AFG2A: variants seen among roughly 807,000 people sequenced by gnomAD.
The protein encoded by AFG2A is ATPase family gene 2 protein homolog A.
At chr4:123,258,916 G>A in the AFG2A span, among the ~76,000 whole-genome samples, 1 of 146,956 alleles carries the variant, frequency 6.8e-6, no homozygotes, top group South Asian at 2.1e-4. Flanking sequence ...TCCCAGGCTG[G>A]AGTGCAGTGG....
At chr4:123,309,865 A>C in the AFG2A span, among the ~76,000 whole-genome samples, 1 of 152,212 alleles carries the variant, frequency 6.6e-6, no homozygotes, top group Admixed American at 6.5e-5. Context: ...GTTGCCCAAA[A>C]CTTATTTGAC....
At chr4:123,097,716 G>C in the AFG2A span, among the ~76,000 whole-genome samples, 1 of 152,130 alleles carries the variant, frequency 6.6e-6, no homozygotes, top group Non-Finnish European at 1.5e-5. Flanking sequence ...TTTGGGGATA[G>C]AGAATTGGGA....
At chr4:122,938,942 G>T in the AFG2A span, among the ~76,000 whole-genome samples, 1 of 151,910 alleles carries the variant, frequency 6.6e-6, no homozygotes, top group Non-Finnish European at 1.5e-5. Context: ...TATTACCCAT[G>T]TACAAATGGA....
At chr4:123,050,748 T>A in the AFG2A span, among the ~76,000 whole-genome samples, 1 of 151,942 alleles carries the variant, frequency 6.6e-6, no homozygotes, top group East Asian at 1.9e-4. Context: ...TCTTTTTTTT[T>A]TTTTTGGAGA....
the AFG2A span, among the ~76,000 whole-genome samples, chr4:123,092,885 A>G: frequency 6.6e-6 from 1 of 152,080 alleles, no homozygotes. Flanking sequence ...GGAAAACTCC[A>G]TTATGTTTTA....
chr4:123,232,510 T>G, the AFG2A span, among the ~76,000 whole-genome samples: 6 of 152,040 alleles, frequency 3.9e-5, no homozygotes, highest in Admixed American at 2.0e-4. Context: ...AATTCATTCG[T>G]GATTTTAACA....
At chr4:123,173,478 C>T in the AFG2A span, among the ~76,000 whole-genome samples, 1 of 150,594 alleles carries the variant, frequency 6.6e-6, no homozygotes, top group Admixed American at 6.7e-5. Flanking sequence ...GCCTCAGCCT[C>T]CCGAGTAGCT....
the AFG2A span, among the ~76,000 whole-genome samples, chr4:122,989,614 T>G: frequency 6.6e-6 from 1 of 152,062 alleles, no homozygotes; most frequent in African/African-American, 2.4e-5. Flanking sequence ...GGGCTGCAGG[T>G]CCAAGCCTGG....
the AFG2A span, among the ~76,000 whole-genome samples, chr4:123,237,672 CAAAAA>C: frequency 0.028 from 1,863 of 66,632 alleles, 44 homozygotes; most frequent in African/African-American, 0.1. Flanking sequence ...AACCTTGTCT[CAAAAA>C]AAAAAAAAAA....
At chr4:123,153,936 C>T in the AFG2A span, among the ~76,000 whole-genome samples, 1 of 152,186 alleles carries the variant, frequency 6.6e-6, no homozygotes, top group Non-Finnish European at 1.5e-5. Flanking sequence ...AAAGAAAAAA[C>T]TGTTAATCTA....
At chr4:123,303,485 G>A in the AFG2A span, among the ~76,000 whole-genome samples, 2 of 152,098 alleles carry the variant, frequency 1.3e-5, no homozygotes, top group South Asian at 4.1e-4. Flanking sequence ...TAACGTTAAG[G>A]CCGGGCATGG....
the AFG2A span, among the ~76,000 whole-genome samples, chr4:123,209,469 T>C: frequency 6.6e-6 from 1 of 152,142 alleles, no homozygotes. Context: ...CTCTTGCCTT[T>C]ATCAGTGTTG....
At chr4:123,079,992 A>G in the AFG2A span, among the ~76,000 whole-genome samples, 4 of 151,892 alleles carry the variant, frequency 2.6e-5, no homozygotes, top group Non-Finnish European at 5.9e-5. Flanking sequence ...TTCGTGATCC[A>G]TGCGCCTTGG....
the AFG2A span, among the ~76,000 whole-genome samples, chr4:122,941,999 G>T: frequency 6.6e-6 from 1 of 151,916 alleles, no homozygotes; most frequent in Non-Finnish European, 1.5e-5. Context: ...GATCATGGTG[G>T]ATAAGCTTTT....
chr4:123,041,155 G>A, the AFG2A span, among the ~76,000 whole-genome samples: 32 of 151,324 alleles, frequency 2.1e-4, no homozygotes, highest in Non-Finnish European at 2.4e-4. Flanking sequence ...CTGTCACCCA[G>A]GCTGGAGTGC....
chr4:123,223,645 C>G, the AFG2A span, among the ~76,000 whole-genome samples: 5 of 152,188 alleles, frequency 3.3e-5, no homozygotes, highest in African/African-American at 1.2e-4. Flanking sequence ...AAGAGCAGCA[C>G]CAAGGGGAAC....
At chr4:123,077,989 A>C in the AFG2A span, among the ~76,000 whole-genome samples, 1 of 152,200 alleles carries the variant, frequency 6.6e-6, no homozygotes, top group East Asian at 1.9e-4. Context: ...GTAAGAGAAA[A>C]TCATATCTTA....
At chr4:123,003,503 T>G in the AFG2A span, among the ~76,000 whole-genome samples, 1 of 152,208 alleles carries the variant, frequency 6.6e-6, no homozygotes, top group Non-Finnish European at 1.5e-5. Flanking sequence ...TCCTTTCTGT[T>G]TGTTAGTTTT....
the AFG2A span, among the ~76,000 whole-genome samples, chr4:123,063,902 A>G: frequency 6.6e-6 from 1 of 152,214 alleles, no homozygotes; most frequent in African/African-American, 2.4e-5. Context: ...AAAAGATAAG[A>G]CATGGTAATT....
Sources: allele counts gnomAD v4.1 joint callset (sites outside exome capture counted in the v4.1 genomes callset), GRCh38; gene constraint gnomAD v4.1.1; transcripts MANE v1.5; gene names NCBI Gene and HGNC (gene_info 2026-07-23, HGNC 2026-07-21).